ELK4: variants seen among roughly 807,000 people sequenced by gnomAD.
ELK4 encodes ETS domain-containing protein Elk-4.
A neutral mutation model predicts 29.6 loss-of-function variants in ELK4; 16 were observed. The observed-to-expected ratio is 0.54, with a 90% CI of 0.37 to 0.82. The LOEUF (loss-of-function observed/expected upper bound fraction) is 0.82, where lower values mean the gene tolerates loss of function less well. ELK4 is among the 40% of genes least tolerant of loss of function. The pLI, the probability that ELK4 is intolerant of heterozygous loss-of-function variation, is 0.00. For synonymous variants in ELK4, 213 were observed against 191.1 expected (o/e 1.11, Z -0.95); for missense variants, 465 against 507.1 (o/e 0.92, Z 0.80).
chr1:205,620,459 G>C lies in ELK4; in HGVS notation c.587C>G (p.Ser196Cys), dbSNP rs1670316141. The change falls in exon 3 of 5, where the codon TCC (serine) becomes TGC (cysteine). Residue 196 changes from serine (S) to cysteine (C), a missense_variant. Around this residue, in one of 2 missense-constraint regions of ELK4, gnomAD observed 385 missense variants for 387.5 expected, o/e 0.99. Transcript: ENST00000357992. The part of the protein sequence containing the change: ...PSVIKFVTTP[S>C]KKPPVEPVAA... ...AACAGGTTCAACCGGTGGCTTTTTGGAAGGTGTCGTGACAAATTTGATGAC... is the reference window on the plus strand; with the variant it reads ...AACAGGTTCAACCGGTGGCTTTTTGCAAGGTGTCGTGACAAATTTGATGAC... The C allele has an allele frequency of 6.2e-7, 1 of 1,614,056 alleles. No homozygotes were observed. The highest frequency in any genetic ancestry group is 8.5e-7 in the Non-Finnish European group (1 of 1,180,048).
rs1177755026 is a variant in ELK4 at position 205,614,646 on chromosome 1, C to G, written c.*1900G>C. ...ACTGAATATGTTCCCTCTACTACTA[C>G]TAAGTTAGCTAGCATAGATGTCTTC... On this transcript the variant is annotated 3_prime_UTR_variant, in exon 5 of 5. Coordinates refer to ENST00000357992, the MANE Select transcript of ELK4 (RefSeq NM_001973.4). 4.4e-6 allele frequency: 1 copy of G among 225,996 alleles called. No individual in the cohort carries two copies. Among genetic ancestry groups the G allele is most frequent in the African/African-American group, 2.2e-5 (1 of 44,934 alleles). 14.0% of individuals were successfully genotyped at this position (225,996 alleles called of 1,614,324 possible).
chr1:205,623,708 G>GT lies in ELK4; in HGVS notation c.174dup (p.Leu59ThrfsTer44). 5 of 1,614,142 alleles carry GT rather than the reference G, an allele frequency of 3.1e-6. No individual in the cohort carries two copies. Among genetic ancestry groups the GT allele is most frequent in the Non-Finnish European group, 4.2e-6 (5 of 1,180,010 alleles). ...TAATAGTATCTGAGGGCTCGGCTGA[G>GT]TTTGTCATAATTCATGTTAGGCTTG... On this transcript the variant is annotated frameshift_variant, in exon 2 of 5. Transcript: ENST00000357992. LOFTEE classifies it high-confidence loss of function.
At position 205,620,618 on chromosome 1, in the gene ELK4, T is replaced by C. The variant is rs574160301; in HGVS notation, c.428A>G (p.His143Arg). ...AKTSSRNDYI[H>R]SGLYSSFTLN... is the part of the protein sequence containing the mutation. The stretch of plus-strand genomic sequence containing the variant: ...AGTAAATGAAGAATATAAGCCAGAG[T>C]GTATGTAGTCATTGCGGCTAGAGGT... The change falls in exon 3 of 5, where the codon CAC (histidine) becomes CGC (arginine). Residue 143 changes from histidine (H) to arginine (R), a missense_variant. By Grantham distance (29) the His-to-Arg change is conservative. Coordinates refer to ENST00000357992, the MANE Select transcript of ELK4 (RefSeq NM_001973.4). 1.9e-6 allele frequency: 3 copies of C among 1,613,772 alleles called. No individual in the cohort carries two copies. The highest frequency in any genetic ancestry group is 1.7e-6 in the Non-Finnish European group (2 of 1,179,948).
At chr1:205,619,245 G>C (rs1027639156) in intron 3 of ELK4, 172 bp from the exon 4 acceptor site, 21 of 1,070,090 alleles carry the variant, frequency 2.0e-5, no homozygotes, top group Non-Finnish European at 2.4e-5. Context: ...CAAACTAAGA[G>C]GGATAAAGGT....
In ELK4 at chr1:205,615,390, CAAAAA is replaced by C. The variant is rs67904643; in HGVS notation, c.*1151_*1155del. 31 of 53,230 alleles carry C rather than the reference CAAAAA, an allele frequency of 5.8e-4. No individual in the cohort carries two copies. Among genetic ancestry groups the C allele is most frequent in the African/African-American group, 1.8e-3 (26 of 14,276 alleles). The allele number at this position is 53,230 out of a possible 1,614,324, so 3.3% of individuals were successfully genotyped here. ...TGGGTGATAGAGCAAGACTCTGTCTCAAAAAAAAAAAAAAAAAAAAAAAAAGGAAA... is the reference window on the plus strand; with the variant it reads ...TGGGTGATAGAGCAAGACTCTGTCTCAAAAAAAAAAAAAAAAAAAAGGAAA... On this transcript the variant is annotated 3_prime_UTR_variant, in exon 5 of 5. Transcript: ENST00000357992.
rs1558017748 is a variant in ELK4 at position 205,610,208 on chromosome 1, G to A, written c.*6338C>T. On this transcript the variant is annotated 3_prime_UTR_variant, in exon 5 of 5. Transcript: ENST00000357992. ...TCCAGAAGATCCCAGGCCTATGTGA[G>A]CATGACTCACAATCCTTGGAAGGGA... 4.3e-6 allele frequency: 1 copy of A among 231,808 alleles called. No homozygotes were observed. Among genetic ancestry groups the A allele is most frequent in the East Asian group, 6.1e-5 (1 of 16,430 alleles). The allele number at this position is 231,808 out of a possible 1,614,324, so 14.4% of individuals were successfully genotyped here.
Position 205,610,176 on chromosome 1 carries a change from G to A in ELK4, c.*6370C>T, listed in dbSNP as rs1363699141. 6 of 231,166 alleles carry A rather than the reference G, an allele frequency of 2.6e-5. No individual in the cohort carries two copies. In the Admixed American group the frequency reaches 2.8e-4, roughly 11 times the overall value. The allele number at this position is 231,166 out of a possible 1,614,324, so 14.3% of individuals were successfully genotyped here. ...CACAGGAAACCCCCACCTCCTCCCC[G>A]ACCCCATCCAGAAGATCCCAGGCCT... is the stretch of plus-strand genomic sequence containing the variant. On this transcript the variant is annotated 3_prime_UTR_variant, in exon 5 of 5. Transcript: ENST00000357992.
chr1:205,631,709 G>A lies in ELK4; in HGVS notation c.-87C>T, dbSNP rs1460870089. 5.9e-6 allele frequency: 2 copies of A among 339,146 alleles called. No homozygotes were observed. Among genetic ancestry groups the A allele is most frequent in the South Asian group, 2.0e-5 (1 of 50,604 alleles). The allele number at this position is 339,146 out of a possible 1,614,324, so 21.0% of individuals were successfully genotyped here. A position where few individuals can be genotyped will look rare whatever the true frequency, so the allele number is the denominator to read the frequency against. ...TCTCCGCCCTCAGCCTCCTCCTCAC[G>A]CTGGAAACTCGAGGACGGCGCGGCA... On this transcript the variant is annotated 5_prime_UTR_variant, in exon 1 of 5. Transcript: ENST00000357992.
At chr1:205,621,455 G>A (rs778607390) in intron 2 of ELK4, among the ~76,000 whole-genome samples, 8 of 152,098 alleles carry the variant, frequency 5.3e-5, no homozygotes, top group Non-Finnish European at 8.8e-5. Flanking sequence ...AGAACTCCCT[G>A]AACTGCAGTC....
At chr1:205,626,501 T>A (rs1480614867) in intron 1 of ELK4, among the ~76,000 whole-genome samples, 1 of 151,852 alleles carries the variant, frequency 6.6e-6, no homozygotes, top group East Asian at 1.9e-4. Context: ...ACTACCTTTT[T>A]GGGGGGTAGT....
chr1:205,629,120 G>A (rs1360048001), intron 1 of ELK4, among the ~76,000 whole-genome samples: 7 of 139,682 alleles, frequency 5.0e-5, no homozygotes, highest in Admixed American at 3.2e-4. Flanking sequence ...GCAGTGAGCC[G>A]AGATCGTGCC....
intron 2 of ELK4, among the ~76,000 whole-genome samples, chr1:205,621,382 T>C (rs1186582311): frequency 6.6e-6 from 1 of 152,112 alleles, no homozygotes; most frequent in Non-Finnish European, 1.5e-5. Flanking sequence ...TGAACTAATA[T>C]GTTACATAAA....
rs545850864 is a variant in ELK4 at position 205,615,074 on chromosome 1, T to C, written c.*1472A>G. 5 of 190,284 alleles carry C rather than the reference T, an allele frequency of 2.6e-5. No homozygotes were observed. The highest frequency in any genetic ancestry group is 1.2e-4 in the African/African-American group (5 of 42,864). The allele number at this position is 190,284 out of a possible 1,614,324, so 11.8% of individuals were successfully genotyped here. On this transcript the variant is annotated 3_prime_UTR_variant, in exon 5 of 5. Coordinates refer to ENST00000357992, the MANE Select transcript of ELK4 (RefSeq NM_001973.4). ...ACAATCCAATCCCTATGTATAAGCA[T>C]TCCCAAATGAACTCTGCTCTTCCCC...
rs770062846 is a variant in ELK4, at chr1:205,614,100, T to G, written c.*2446A>C. On this transcript the variant is annotated 3_prime_UTR_variant, in exon 5 of 5. Coordinates refer to ENST00000357992, the MANE Select transcript of ELK4 (RefSeq NM_001973.4). ...TCCAAATTAGTTGATCTCAAAGAGATAGCAGATCACCAATCTGTGACAGCC... is the reference window on the plus strand; with the variant it reads ...TCCAAATTAGTTGATCTCAAAGAGAGAGCAGATCACCAATCTGTGACAGCC... 2.7e-4 allele frequency: 61 copies of G among 223,808 alleles called. No individual in the cohort carries two copies. The highest frequency in any genetic ancestry group is 5.7e-4 in the Admixed American group (10 of 17,432). The allele number at this position is 223,808 out of a possible 1,614,324, so 13.9% of individuals were successfully genotyped here. A position where few individuals can be genotyped will look rare whatever the true frequency, so the allele number is the denominator to read the frequency against.
In ELK4 at chr1:205,616,468, A is replaced by T; in HGVS notation, c.*78T>A. On this transcript the variant is annotated 3_prime_UTR_variant, in exon 5 of 5. Transcript: ENST00000357992. ...CTATTATCAGCATTGTAGAACTATC[A>T]ATTGCTCACTTCAAATGCAATCATG... The T allele has an allele frequency of 7.8e-7, 1 of 1,280,532 alleles. No individual in the cohort carries two copies. Among genetic ancestry groups the T allele is most frequent in the East Asian group, 2.4e-5 (1 of 41,876 alleles). 79.3% of individuals were successfully genotyped at this position (1,280,532 alleles called of 1,614,324 possible).
Position 205,614,615 on chromosome 1 carries a change from C to A in ELK4, c.*1931G>T, listed in dbSNP as rs181130836. The A allele has an allele frequency of 1.2e-4, 28 of 227,780 alleles. No individual in the cohort carries two copies. Among genetic ancestry groups the A allele is most frequent in the Admixed American group, 3.4e-4 (6 of 17,616 alleles). The allele number at this position is 227,780 out of a possible 1,614,324, so 14.1% of individuals were successfully genotyped here. On this transcript the variant is annotated 3_prime_UTR_variant, in exon 5 of 5. Transcript: ENST00000357992. ...GTCTCCGACACTACAGATATAAAGG[C>A]AGCTCACTGAATATGTTCCCTCTAC... is the stretch of plus-strand genomic sequence containing the variant.
chr1:205,607,976 C>CA lies in ELK4; in HGVS notation c.*8569dup. The CA allele has an allele frequency of 5.7e-6, 1 of 174,732 alleles. No individual in the cohort carries two copies. The highest frequency in any genetic ancestry group is 1.2e-5 in the Non-Finnish European group (1 of 80,914). 10.8% of individuals were successfully genotyped at this position (174,732 alleles called of 1,614,324 possible). On this transcript the variant is annotated 3_prime_UTR_variant, in exon 5 of 5. Coordinates refer to ENST00000357992, the MANE Select transcript of ELK4 (RefSeq NM_001973.4). Reference sequence around the variant, plus strand: ...TTAAAAATATTTATTTAAAAAAATACAACTGCTGTCCATATCTAGTTGCAC... The same window carrying CA: ...TTAAAAATATTTATTTAAAAAAATACAAACTGCTGTCCATATCTAGTTGCAC...
At position 205,610,794 on chromosome 1, in the gene ELK4, C is replaced by CAT. The variant is rs1185643771; in HGVS notation, c.*5750_*5751dup. On this transcript the variant is annotated 3_prime_UTR_variant, in exon 5 of 5. Coordinates refer to ENST00000357992, the MANE Select transcript of ELK4 (RefSeq NM_001973.4). ...ACACGCGCACACACACACACACACA[C>CAT]ATTCAGTCAATACATCAGTATATAT... The CAT allele has an allele frequency of 8.6e-6, 2 of 231,428 alleles. No homozygotes were observed. The highest frequency in any genetic ancestry group is 1.7e-5 in the Non-Finnish European group (2 of 117,098). 14.3% of individuals were successfully genotyped at this position (231,428 alleles called of 1,614,324 possible). A position where few individuals can be genotyped will look rare whatever the true frequency, so the allele number is the denominator to read the frequency against.
Position 205,620,626 on chromosome 1 carries a change from G to A in ELK4, c.420C>T (p.Asp140=). 1 of 1,614,124 alleles carries A rather than the reference G, an allele frequency of 6.2e-7. No individual in the cohort carries two copies. Among genetic ancestry groups the A allele is most frequent in the Middle Eastern group, 1.6e-4 (1 of 6,062 alleles). The stretch of plus-strand genomic sequence containing the variant: ...AAGAATATAAGCCAGAGTGTATGTA[G>A]TCATTGCGGCTAGAGGTCTTGGCAC... ...QPGAKTSSRN[D]YIHSGLYSSF... is the part of the protein sequence containing the mutation. Residue 140 remains aspartate, a synonymous_variant, in exon 3 of 5, where the codon GAC becomes GAT. Coordinates refer to ENST00000357992, the MANE Select transcript of ELK4 (RefSeq NM_001973.4).
Sources: gnomAD v4.1 joint callset for allele counts (sites outside exome capture counted in the v4.1 genomes callset) on GRCh38, gnomAD v4.1.1 for gene constraint, gnomAD v4.1.1 regional missense constraint, MANE v1.5 for transcripts, NCBI Gene and HGNC (gene_info 2026-07-23, HGNC 2026-07-21) for gene names.